The following AGAP1 variants were observed in gnomAD, a reference collection of about 807,000 sequenced individuals.
AGAP1 encodes ArfGAP with GTPase domain, ankyrin repeat and PH domain 1, also known as arf-GAP with GTPase, ANK repeat and PH domain-containing protein 1.
A neutral mutation model predicts 105.3 loss-of-function variants in AGAP1; 29 were observed. The observed-to-expected ratio is 0.28, with a 90% CI of 0.21 to 0.38. The LOEUF (loss-of-function observed/expected upper bound fraction) is 0.38, where lower values mean the gene tolerates loss of function less well. Among genes scored for constraint, AGAP1 ranks in the 10% least tolerant of loss-of-function variants. The pLI is 1.00. For synonymous variants in AGAP1, 509 were observed against 485.9 expected (o/e 1.05, Z -0.63); for missense variants, 998 against 1,165.1 (o/e 0.86, Z 2.09).
intron 1 of AGAP1, among the ~76,000 whole-genome samples, chr2:235,518,607 T>C (rs868137249): frequency 3.3e-5 from 5 of 152,238 alleles, no homozygotes; most frequent in African/African-American, 1.2e-4. Flanking sequence ...TGCAAATGTC[T>C]CTTCAGCTGG....
Position 235,988,631 on chromosome 2 carries a change from A to G in AGAP1, c.1645+20008A>G, listed in dbSNP as rs1322579446. 5.3e-5 allele frequency among the ~76,000 whole-genome samples: 8 copies of G among 151,900 alleles called. No individual in the cohort carries two copies. The highest frequency in any genetic ancestry group is 8.8e-5 in the Non-Finnish European group (6 of 68,006). ...TTTCCATTGTCTCTGAAACACTTGC[A>G]TTTTTCCTGTAACTTTCCAGTAATG... On this transcript the variant is annotated intron_variant, in intron 13 of 17. Transcript: ENST00000304032. The surrounding 1 kb of genome is among the most constrained non-coding windows in gnomAD (Gnocchi z 4.7).
At chr2:235,978,591 A>G (rs550975838) in intron 13 of AGAP1, among the ~76,000 whole-genome samples, 6 of 152,364 alleles carry the variant, frequency 3.9e-5, no homozygotes, top group African/African-American at 1.2e-4. Flanking sequence ...GCCCAAGGCC[A>G]GTAGATGAGT....
chr2:236,049,217 C>G lies in AGAP1; in HGVS notation c.2050C>G (p.Leu684Val), dbSNP rs1171907259. ...IKVMSSIGNE[L>V]ANSVWEESSQ... Reference sequence around the variant, plus strand: ...GGTGATGTCATCCATCGGGAACGAGCTAGCCAACAGCGTCTGGGAAGAGAG... The same window carrying G: ...GGTGATGTCATCCATCGGGAACGAGGTAGCCAACAGCGTCTGGGAAGAGAG... Residue 684 changes from leucine to valine, a missense_variant, in exon 16 of 18, where the codon CTA (leucine) becomes GTA (valine). This residue lies in a region of AGAP1 where 235 missense variants were observed against 270.7 expected (regional missense o/e 0.87). Transcript: ENST00000304032. 1.9e-6 allele frequency: 3 copies of G among 1,614,110 alleles called. No individual in the cohort carries two copies. The highest frequency in any genetic ancestry group is 2.5e-6 in the Non-Finnish European group (3 of 1,180,058).
rs997752189 is a variant in AGAP1 at position 235,970,361 on chromosome 2, G to A, written c.1645+1738G>A. 6.6e-6 allele frequency among the ~76,000 whole-genome samples: 1 copy of A among 152,110 alleles called. No homozygotes were observed. The highest frequency in any genetic ancestry group is 1.5e-5 in the Non-Finnish European group (1 of 68,024). On this transcript the variant is annotated intron_variant, in intron 13 of 17. Transcript: ENST00000304032. This position sits in a 1 kb window ranked among gnomAD's most constrained non-coding sequence, Gnocchi z 5.4. ...ACTGAAAACAGTATCAGCCGCAGGC[G>A]CTCTGTGTTGGTAAGACTCCTTCAG...
At chr2:235,627,757 A>G (rs1015693686) in intron 1 of AGAP1, among the ~76,000 whole-genome samples, 4 of 152,002 alleles carry the variant, frequency 2.6e-5, no homozygotes, top group South Asian at 2.1e-4. Context: ...GATTATTCAC[A>G]GTTGGGGCTC....
At position 235,623,040 on chromosome 2, in the gene AGAP1, TA is replaced by T. The variant is rs950453477; in HGVS notation, c.164-86138del. Among the ~76,000 whole-genome samples, 2 of 152,156 alleles carry T rather than the reference TA, an allele frequency of 1.3e-5. No individual in the cohort carries two copies. Among genetic ancestry groups the T allele is most frequent in the African/African-American group, 2.4e-5 (1 of 41,426 alleles). On this transcript the variant is annotated intron_variant, in intron 1 of 17. Coordinates refer to ENST00000304032, the MANE Select transcript of AGAP1 (RefSeq NM_001037131.3). This position sits in a 1 kb window ranked among gnomAD's most constrained non-coding sequence, Gnocchi z 4.5. The stretch of plus-strand genomic sequence containing the variant: ...CTGGATTGAGAAAAGTGGAAGAGGT[TA>T]GAAGCTAACTTGGACATTCTTTTTG...
chr2:235,758,213 C>G (rs1248803268), intron 6 of AGAP1, among the ~76,000 whole-genome samples: 1 of 152,100 alleles, frequency 6.6e-6, no homozygotes, highest in African/African-American at 2.4e-5. Flanking sequence ...CACTTGAAAG[C>G]AAGCCATGTA....
At chr2:235,567,875 C>T (rs1175070704) in intron 1 of AGAP1, among the ~76,000 whole-genome samples, 1 of 152,008 alleles carries the variant, frequency 6.6e-6, no homozygotes, top group East Asian at 1.9e-4. Flanking sequence ...GTGACAGTGG[C>T]CTCTCAATAT....
intron 6 of AGAP1, chr2:235,774,455 T>C (rs1275894828): frequency 4.3e-6 from 2 of 460,194 alleles, no homozygotes; most frequent in East Asian, 1.4e-4. Context: ...CAAGTCAGCG[T>C]GGACTTGGGC....
At chr2:235,503,390 C>T (rs559489996) in intron 1 of AGAP1, among the ~76,000 whole-genome samples, 35 of 152,190 alleles carry the variant, frequency 2.3e-4, no homozygotes, top group Non-Finnish European at 4.0e-4. Flanking sequence ...CCTGTTCTGA[C>T]GAGACTGCTC....
At chr2:235,579,003 T>G (rs572620595) in intron 1 of AGAP1, among the ~76,000 whole-genome samples, 1 of 152,256 alleles carries the variant, frequency 6.6e-6, no homozygotes, top group African/African-American at 2.4e-5. Flanking sequence ...AATTAAGGGT[T>G]TTCTTATTAC....
intron 13 of AGAP1, among the ~76,000 whole-genome samples, chr2:235,984,189 C>T (rs2055207469): frequency 5.3e-5 from 8 of 152,138 alleles, no homozygotes; most frequent in Admixed American, 5.2e-4. Context: ...TGTCTGGCAT[C>T]TTATATTTGG....
chr2:235,518,845 C>T (rs1942502465), intron 1 of AGAP1, among the ~76,000 whole-genome samples: 1 of 152,196 alleles, frequency 6.6e-6, no homozygotes, highest in African/African-American at 2.4e-5. Context: ...GACTGGCAGG[C>T]TTGCCTCGCG....
At chr2:235,646,082 C>T (rs1947373834) in intron 1 of AGAP1, among the ~76,000 whole-genome samples, 1 of 151,998 alleles carries the variant, frequency 6.6e-6, no homozygotes, top group Admixed American at 6.6e-5. Context: ...CGAGACCAGC[C>T]TGGCCAACAC....
intron 13 of AGAP1, among the ~76,000 whole-genome samples, chr2:235,998,428 G>C (rs557061870): frequency 2.6e-5 from 4 of 152,136 alleles, no homozygotes; most frequent in Admixed American, 6.5e-5. Context: ...CAGGCTCCAG[G>C]GTCCCTCTAA....
intron 1 of AGAP1, among the ~76,000 whole-genome samples, chr2:235,575,196 A>G (rs553667995): frequency 1.3e-5 from 2 of 152,216 alleles, no homozygotes; most frequent in African/African-American, 4.8e-5. Flanking sequence ...ATTTGTGGCT[A>G]TTTTTCCAGC....
intron 16 of AGAP1, among the ~76,000 whole-genome samples, chr2:236,057,627 A>G (rs1303377587): frequency 2.6e-5 from 4 of 152,008 alleles, no homozygotes; most frequent in Non-Finnish European, 5.9e-5. Context: ...TTTTGGGAAT[A>G]TAAAGCCTGT....
chr2:235,501,013 A>G (rs1409892863), intron 1 of AGAP1, among the ~76,000 whole-genome samples: 1 of 152,160 alleles, frequency 6.6e-6, no homozygotes, highest in Admixed American at 6.5e-5. Flanking sequence ...AATACCCTGT[A>G]TGGCCTGCTT....
intron 1 of AGAP1, among the ~76,000 whole-genome samples, chr2:235,644,741 C>T (rs1183190455): frequency 1.3e-5 from 2 of 152,144 alleles, no homozygotes; most frequent in African/African-American, 4.8e-5. Flanking sequence ...AGTGTTGCGT[C>T]CATTGGTCCA....
Sources: gnomAD v4.1 joint callset for allele counts (sites outside exome capture counted in the v4.1 genomes callset) on GRCh38, gnomAD v4.1.1 for gene constraint, gnomAD v4.1.1 regional missense constraint, Gnocchi (gnomAD v3.1) non-coding constraint, MANE v1.5 for transcripts, NCBI Gene and HGNC (gene_info 2026-07-23, HGNC 2026-07-21) for gene names.